The following ZNF107 variants were observed in gnomAD, a reference collection of about 807,000 sequenced individuals.
ZNF107 encodes zinc finger protein 107.
ZNF107 carries 19 observed loss-of-function variants against 12.3 expected under a neutral mutation model. The observed-to-expected ratio is 1.55, with a 90% CI of 1.08 to 2.27. The LOEUF is 2.27. Among genes scored for constraint, ZNF107 ranks in the 30% most tolerant of loss-of-function variants. ZNF107 has a pLI of 0.00. For missense variants in ZNF107, 958 were observed against 979.9 expected (o/e 0.98, Z 0.30); for synonymous variants, 317 against 330.5 (o/e 0.96, Z 0.44).
At chr7:64,688,257 CTTTT>C (rs36082192) in intron 1 of ZNF107, among the ~76,000 whole-genome samples, 1 of 133,300 alleles carries the variant, frequency 7.5e-6, no homozygotes, top group Non-Finnish European at 1.6e-5. Context: ...CCTTCCTCCT[CTTTT>C]TTTTTTTTTT....
rs761556309 is a variant in ZNF107 at position 64,708,204 on chromosome 7, A to C, written c.2107A>C (p.Lys703Gln). 8.7e-6 allele frequency: 14 copies of C among 1,613,004 alleles called. No individual in the cohort carries two copies. The highest frequency in any genetic ancestry group is 6.7e-5 in the Admixed American group (4 of 59,866). The change falls in exon 4 of 4, where the codon AAA becomes CAA. Residue 703 changes from lysine (K) to glutamine (Q), a missense_variant. Physicochemically the swap from Lys to Gln is moderately conservative, Grantham distance 53 (BLOSUM62 1). Coordinates refer to ENST00000620827, the MANE Select transcript of ZNF107 (RefSeq NM_001282359.2). ...ACATAAGAGAATTCATACGGGAGAG[A>C]AACCTTACCAATGTGCAGAATGTGG... ...TIHKRIHTGE[K>Q]PYQCAECGKA...
intron 3 of ZNF107, among the ~76,000 whole-genome samples, chr7:64,695,430 A>G (rs1790256004): frequency 6.6e-6 from 1 of 152,198 alleles, no homozygotes; most frequent in Non-Finnish European, 1.5e-5. Flanking sequence ...CAATATTGCA[A>G]AAAAGATTTC....
At chr7:64,697,816 C>G (rs914292765) in intron 3 of ZNF107, among the ~76,000 whole-genome samples, 1 of 151,806 alleles carries the variant, frequency 6.6e-6, no homozygotes, top group African/African-American at 2.4e-5. Flanking sequence ...TCAGCCTCTC[C>G]GAGTAGCTGG....
In ZNF107 at chr7:64,707,069, A is replaced by C; in HGVS notation, c.972A>C (p.Leu324=). The change falls in exon 4 of 4, where the codon CTA becomes CTC. Residue 324 remains leucine (L), a synonymous_variant. Transcript: ENST00000620827. The part of the protein sequence containing the change: ...KCKECGKAFN[L]FSNLTNHKRI... ...AAGAATGTGGAAAAGCTTTTAACCT[A>C]TTCTCAAATCTTACTAACCATAAGA... is the stretch of plus-strand genomic sequence containing the variant. 1 of 1,611,420 alleles carries C rather than the reference A, an allele frequency of 6.2e-7. No homozygotes were observed. Among genetic ancestry groups the C allele is most frequent in the Non-Finnish European group, 8.5e-7 (1 of 1,179,194 alleles).
At chr7:64,692,091 T>G (rs908171250) in intron 3 of ZNF107, 131 bp downstream of exon 3, 4 of 532,078 alleles carry the variant, frequency 7.5e-6, no homozygotes, top group African/African-American at 6.2e-5. Context: ...AAGCCTGAGT[T>G]TTTTTTTCTT....
chr7:64,708,397 G>A lies in ZNF107; in HGVS notation c.2300G>A (p.Gly767Asp). Residue 767 changes from glycine to aspartate, a missense_variant, in exon 4 of 4, where the codon GGC (glycine) becomes GAC (aspartate). Physicochemically the swap from Gly to Asp is moderately conservative, Grantham distance 94. Transcript: ENST00000620827. Reference sequence around the variant, plus strand: ...AAACCCTATAAATGTGAAGAATGTGGCAAAGCTTTTAACCAATCCTCAAAC... The same window carrying A: ...AAACCCTATAAATGTGAAGAATGTGACAAAGCTTTTAACCAATCCTCAAAC... ...GEKPYKCEECGKAFNQSSNLT... is the reference protein window; with the variant it reads ...GEKPYKCEECDKAFNQSSNLT... The A allele has an allele frequency of 6.2e-7, 1 of 1,602,812 alleles. No individual in the cohort carries two copies. Among genetic ancestry groups the A allele is most frequent in the Non-Finnish European group, 8.5e-7 (1 of 1,172,582 alleles).
intron 1 of ZNF107, chr7:64,686,778 C>T (rs1278344704): frequency 2.3e-6 from 2 of 854,908 alleles, no homozygotes; most frequent in African/African-American, 1.8e-5. Context: ...TAATTTTCCA[C>T]CCGCCACTTT....
At chr7:64,689,636 T>C (rs1790048469) in intron 1 of ZNF107, 2 of 153,490 alleles carry the variant, frequency 1.3e-5, no homozygotes, top group Admixed American at 6.5e-5. Context: ...GGAGCTCCAC[T>C]GTGGCAGTTC....
chr7:64,684,802 T>C lies in ZNF107; in HGVS notation c.4-6446T>C, dbSNP rs1183069117. On this transcript the variant is annotated intron_variant, in intron 1 of 3. Transcript: ENST00000620827. Reference sequence around the variant, plus strand: ...TCTGTTTACCTTCCTACTCACTCTTTATCTATCCCTCCTGCTCCTTTGGCT... The same window carrying C: ...TCTGTTTACCTTCCTACTCACTCTTCATCTATCCCTCCTGCTCCTTTGGCT... 3 of 875,168 alleles carry C rather than the reference T, an allele frequency of 3.4e-6. No individual in the cohort carries two copies. In the African/African-American group the frequency reaches 5.5e-5, roughly 16 times the overall value. 54.2% of individuals were successfully genotyped at this position (875,168 alleles called of 1,614,324 possible). A position where few individuals can be genotyped will look rare whatever the true frequency, so the allele number is the denominator to read the frequency against.
intron 1 of ZNF107, among the ~76,000 whole-genome samples, chr7:64,685,481 C>T (rs1789871799): frequency 6.6e-6 from 1 of 152,174 alleles, no homozygotes; most frequent in Non-Finnish European, 1.5e-5. Flanking sequence ...CCCTGGACCT[C>T]CTGCAGCAGC....
chr7:64,700,707 T>G (rs1374033551), intron 3 of ZNF107, among the ~76,000 whole-genome samples: 1 of 151,776 alleles, frequency 6.6e-6, no homozygotes, highest in Non-Finnish European at 1.5e-5. Context: ...GCCTGGCTAA[T>G]TTTTGTATTT....
rs187004869 is a variant in ZNF107, at chr7:64,682,028, C to T, written c.4-9220C>T. ...CCTGGACCATTCTTCCCAGGGCTTC[C>T]GGAATAGCCCTCATTATTTTAGCCA... On this transcript the variant is annotated intron_variant, in intron 1 of 3. Transcript: ENST00000620827. 7.2e-3 allele frequency among the ~76,000 whole-genome samples: 1,090 copies of T among 152,094 alleles called. 16 individuals are homozygous for T. The highest frequency in any genetic ancestry group is 0.025 in the African/African-American group (1,036 of 41,476).
chr7:64,670,706 G>T (rs1789188284), intron 1 of ZNF107, among the ~76,000 whole-genome samples: 1 of 152,134 alleles, frequency 6.6e-6, no homozygotes, highest in African/African-American at 2.4e-5. Flanking sequence ...TATTTACCAG[G>T]ATTATCTATG....
At chr7:64,689,004 G>A (rs1050246428) in intron 1 of ZNF107, among the ~76,000 whole-genome samples, 8 of 152,000 alleles carry the variant, frequency 5.3e-5, no homozygotes, top group Non-Finnish European at 8.8e-5. Context: ...TTGCAGCTGC[G>A]CTAATCAAAG....
At chr7:64,695,314 C>T (rs899779246) in intron 3 of ZNF107, among the ~76,000 whole-genome samples, 2 of 152,060 alleles carry the variant, frequency 1.3e-5, no homozygotes, top group African/African-American at 4.8e-5. Flanking sequence ...TTTCTCTGAA[C>T]TTTTACTGCC....
At chr7:64,686,432 C>A (rs1789914329) in intron 1 of ZNF107, 3 of 816,998 alleles carry the variant, frequency 3.7e-6, no homozygotes, top group South Asian at 5.6e-5. Context: ...AACTGCCCCT[C>A]AATGTCACCC....
At chr7:64,699,307 T>G (rs1376081216) in intron 3 of ZNF107, among the ~76,000 whole-genome samples, 1 of 152,188 alleles carries the variant, frequency 6.6e-6, no homozygotes, top group Non-Finnish European at 1.5e-5. Flanking sequence ...AACAGTGTGT[T>G]TTATTTTAAT....
At position 64,707,517 on chromosome 7, in the gene ZNF107, A is replaced by G; in HGVS notation, c.1420A>G (p.Ile474Val). Residue 474 changes from isoleucine (I) to valine (V), a missense_variant, in exon 4 of 4, where the codon ATT (isoleucine) becomes GTT (valine). By Grantham distance (29) the Ile-to-Val change is conservative (BLOSUM62 3). Transcript: ENST00000620827. ...QHSNLINHRKIYSGEKPYKCE... is the reference protein window; with the variant it reads ...QHSNLINHRKVYSGEKPYKCE... ...CTCAAACCTAATTAACCATAGGAAAATTTATTCTGGAGAGAAACCATACAA... is the reference window on the plus strand; with the variant it reads ...CTCAAACCTAATTAACCATAGGAAAGTTTATTCTGGAGAGAAACCATACAA... 6.2e-7 allele frequency: 1 copy of G among 1,613,488 alleles called. No homozygotes were observed. Among genetic ancestry groups the G allele is most frequent in the South Asian group, 1.1e-5 (1 of 91,038 alleles).
chr7:64,695,699 T>A (rs1584483734), intron 3 of ZNF107, among the ~76,000 whole-genome samples: 1 of 152,330 alleles, frequency 6.6e-6, no homozygotes, highest in East Asian at 1.9e-4. Flanking sequence ...TTGTTTATAT[T>A]CTTTCTTAGC....
Sources: allele counts gnomAD v4.1 joint callset (sites outside exome capture counted in the v4.1 genomes callset), GRCh38; gene constraint gnomAD v4.1.1; transcripts MANE v1.5; gene names NCBI Gene and HGNC (gene_info 2026-07-23, HGNC 2026-07-21).